Variants in PLEKHA7 observed in about 807,000 individuals in gnomAD.
PLEKHA7 encodes pleckstrin homology domain-containing family A member 7.
PLEKHA7 carries 104 observed loss-of-function variants against 170.0 expected under a neutral mutation model. That is an observed-to-expected ratio of 0.61 (90% CI 0.52 to 0.72). PLEKHA7 has a LOEUF of 0.72. Among genes scored for constraint, PLEKHA7 ranks in the 30% least tolerant of loss-of-function variants. The pLI is 0.00. For missense variants in PLEKHA7, 1,615 were observed against 1,671.7 expected (o/e 0.97, Z 0.59); for synonymous variants, 648 against 660.8 (o/e 0.98, Z 0.30).
chr11:16,825,829 G>C (rs1408386995), intron 10 of PLEKHA7, among the ~76,000 whole-genome samples: 1 of 152,224 alleles, frequency 6.6e-6, no homozygotes, highest in East Asian at 1.9e-4. Flanking sequence ...AGGAGCCGAA[G>C]AGACTCTGGT....
intron 9 of PLEKHA7, among the ~76,000 whole-genome samples, chr11:16,833,347 G>A (rs576480395): frequency 6.6e-6 from 1 of 152,258 alleles, no homozygotes; most frequent in East Asian, 1.9e-4. Context: ...TTTTAAAGTT[G>A]TAGGGATTGA....
At chr11:16,918,221 C>A (rs1451974951) in intron 3 of PLEKHA7, among the ~76,000 whole-genome samples, 1 of 152,182 alleles carries the variant, frequency 6.6e-6, no homozygotes, top group East Asian at 1.9e-4. Context: ...TAGCATGAGT[C>A]AGATTTGATA....
intron 3 of PLEKHA7, among the ~76,000 whole-genome samples, chr11:16,923,983 G>A (rs1389476353): frequency 6.6e-6 from 1 of 152,040 alleles, no homozygotes; most frequent in Non-Finnish European, 1.5e-5. Context: ...TAAGGCCCTG[G>A]CTGGGGTAAA....
At chr11:16,841,510 G>A in intron 9 of PLEKHA7, 37 bp downstream of exon 9, 1 of 1,597,474 alleles carries the variant, frequency 6.3e-7, no homozygotes, top group Non-Finnish European at 8.5e-7. Context: ...TCCTAGTGTA[G>A]GAGGTGCTGT....
intron 17 of PLEKHA7, among the ~76,000 whole-genome samples, chr11:16,799,037 A>C (rs1848418728): frequency 6.6e-6 from 1 of 151,626 alleles, no homozygotes; most frequent in Admixed American, 6.6e-5. Context: ...ATAGAAACCT[A>C]TAATCCCTGC....
chr11:16,996,260 C>T (rs973640347), intron 3 of PLEKHA7, among the ~76,000 whole-genome samples: 2 of 152,188 alleles, frequency 1.3e-5, no homozygotes, highest in Non-Finnish European at 2.9e-5. Context: ...TGGCTCCAAG[C>T]CTGTGTGCTC....
intron 3 of PLEKHA7, among the ~76,000 whole-genome samples, chr11:16,958,195 T>C (rs1861826317): frequency 6.6e-6 from 1 of 152,062 alleles, no homozygotes; most frequent in African/African-American, 2.4e-5. Flanking sequence ...CACACACCTG[T>C]AGTCCTACGT....
intron 3 of PLEKHA7, among the ~76,000 whole-genome samples, chr11:16,949,946 G>A (rs575049848): frequency 6.6e-6 from 1 of 151,980 alleles, no homozygotes; most frequent in African/African-American, 2.4e-5. Flanking sequence ...AACTCTACAA[G>A]GGGCATGGGA....
rs758736201 is a variant in PLEKHA7 at position 16,803,237 on chromosome 11, C to G, written c.2066G>C (p.Ser689Thr). ...RSLKPVKIAE[S>T]DTDVKLSIFC... ...ACTCTGCTCACTCACGTCAGTGTCG[C>G]TCTCAGCGATCTTCACAGGCTTCAG... The change falls in exon 14 of 27, where the codon AGC (serine) becomes ACC (threonine). Residue 689 changes from serine (S) to threonine (T), a missense_variant. By Grantham distance (58) the Ser-to-Thr change is moderately conservative. Coordinates refer to ENST00000531066, the MANE Select transcript of PLEKHA7 (RefSeq NM_001329630.2). 19 of 1,613,832 alleles carry G rather than the reference C, an allele frequency of 1.2e-5. No homozygotes were observed.
chr11:16,865,916 C>T (rs1854352114), intron 4 of PLEKHA7, among the ~76,000 whole-genome samples: 1 of 151,918 alleles, frequency 6.6e-6, no homozygotes, highest in African/African-American at 2.4e-5. Flanking sequence ...CAGCTCACTG[C>T]AACCTCTGCC....
rs1862979946 is a variant in PLEKHA7 at position 16,975,129 on chromosome 11, A to G, written c.221+38860T>C. 2 of 446,976 alleles carry G rather than the reference A, an allele frequency of 4.5e-6. 1 individual carries two copies. The allele number at this position is 446,976 out of a possible 1,614,324, so 27.7% of individuals were successfully genotyped here. On this transcript the variant is annotated intron_variant, in intron 3 of 26. Coordinates refer to ENST00000531066, the MANE Select transcript of PLEKHA7 (RefSeq NM_001329630.2). ...ATACATTCATGTGTGCCCCACCACA[A>G]TCAGGACACAGGACAGTTCCACCAC...
intron 3 of PLEKHA7, among the ~76,000 whole-genome samples, chr11:16,963,229 T>C: frequency 6.6e-6 from 1 of 152,212 alleles, no homozygotes. Context: ...TATAACCATA[T>C]TTGGTATTTT....
intron 9 of PLEKHA7, among the ~76,000 whole-genome samples, chr11:16,837,870 G>A (rs1851639915): frequency 1.3e-5 from 2 of 152,070 alleles, no homozygotes; most frequent in South Asian, 2.1e-4. Context: ...AGGAAGAACA[G>A]GAAGCCCTAC....
At chr11:16,869,749 C>T (rs1000499899) in intron 4 of PLEKHA7, among the ~76,000 whole-genome samples, 2 of 152,006 alleles carry the variant, frequency 1.3e-5, no homozygotes, top group Non-Finnish European at 2.9e-5. Flanking sequence ...AATTTATTAC[C>T]GTATCTCTTT....
rs772968519 is a variant in PLEKHA7 at position 16,791,276 on chromosome 11, A to AG, written c.2746-78dup. 3.0e-4 allele frequency: 409 copies of AG among 1,380,174 alleles called. No homozygotes were observed. The highest frequency in any genetic ancestry group is 3.9e-4 in the Non-Finnish European group (401 of 1,021,196). The allele number at this position is 1,380,174 out of a possible 1,614,324, so 85.5% of individuals were successfully genotyped here. Reference sequence around the variant, plus strand: ...GGACTGCTAGGTACTGCCACAGTGGAGGTTTAAAGGGTAGGAACAGGCCAC... The same window carrying AG: ...GGACTGCTAGGTACTGCCACAGTGGAGGGTTTAAAGGGTAGGAACAGGCCAC... On this transcript the variant is annotated intron_variant, in intron 19 of 26. Transcript: ENST00000531066. This position sits in a 1 kb window ranked among gnomAD's most constrained non-coding sequence, Gnocchi z 4.5.
chr11:16,939,602 A>G (rs900446867), intron 3 of PLEKHA7, among the ~76,000 whole-genome samples: 12 of 152,360 alleles, frequency 7.9e-5, no homozygotes, highest in Middle Eastern at 6.8e-3. Context: ...AGGAATGCTT[A>G]AAGTTAAAGA....
At chr11:16,840,868 G>A (rs973196485) in intron 9 of PLEKHA7, among the ~76,000 whole-genome samples, 19 of 152,088 alleles carry the variant, frequency 1.2e-4, no homozygotes, top group South Asian at 2.1e-4. Flanking sequence ...ACATACCAGC[G>A]CAACCCATTT....
rs149590397 is a variant in PLEKHA7, at chr11:16,972,781, C to T, written c.221+41208G>A. ...TCCAAACACCTCCAAACATAAATAG[C>T]CATTAACTTACCAATACAATTACAC... On this transcript the variant is annotated intron_variant, in intron 3 of 26. Coordinates refer to ENST00000531066, the MANE Select transcript of PLEKHA7 (RefSeq NM_001329630.2). Among the ~76,000 whole-genome samples the T allele has an allele frequency of 1.7e-4, 26 of 152,296 alleles. No individual in the cohort carries two copies. The East Asian group carries it at 5.0e-3, about 29-fold the overall frequency.
rs1850433404 is a variant in PLEKHA7, at chr11:16,823,900, T to C, written c.1343+2220A>G. Among the ~76,000 whole-genome samples the C allele has an allele frequency of 2.6e-5, 4 of 152,258 alleles. No individual in the cohort carries two copies. In the South Asian group the frequency reaches 6.2e-4, roughly 24 times the overall value. On this transcript the variant is annotated intron_variant, in intron 10 of 26. Coordinates refer to ENST00000531066, the MANE Select transcript of PLEKHA7 (RefSeq NM_001329630.2). The stretch of plus-strand genomic sequence containing the variant: ...ACGGATAAACAAAATGTGGTATTTA[T>C]ACTCAGTGGAGTAGTGTTCAGCCTT...
Sources: allele counts gnomAD v4.1 joint callset (sites outside exome capture counted in the v4.1 genomes callset), GRCh38; gene constraint gnomAD v4.1.1; non-coding constraint Gnocchi (gnomAD v3.1); transcripts MANE v1.5; gene names NCBI Gene and HGNC (gene_info 2026-07-23, HGNC 2026-07-21).